The following PCDHA12 variants were observed in gnomAD, a reference collection of about 807,000 sequenced individuals.
PCDHA12 encodes protocadherin alpha-12.
PCDHA12 carries 44 observed loss-of-function variants against 60.0 expected under a neutral mutation model. That is an observed-to-expected ratio of 0.73 (90% CI 0.58 to 0.94). The LOEUF (loss-of-function observed/expected upper bound fraction) is 0.94, where lower values mean the gene tolerates loss of function less well. PCDHA12 is among the 40% of genes least tolerant of loss of function. The pLI, the probability that PCDHA12 is intolerant of heterozygous loss-of-function variation, is 0.00. For synonymous variants in PCDHA12, 569 were observed against 553.0 expected (o/e 1.03, Z -0.40); for missense variants, 1,276 against 1,239.7 (o/e 1.03, Z -0.44).
At chr5:140,990,627 A>G (rs782672988) in intron 3 of PCDHA12, among the ~76,000 whole-genome samples, 16 of 152,198 alleles carry the variant, frequency 1.1e-4, no homozygotes, top group Non-Finnish European at 1.5e-4. Flanking sequence ...GTCTGTGGTA[A>G]GACTAGAAGC....
intron 1 of PCDHA12, among the ~76,000 whole-genome samples, chr5:140,879,880 C>T (rs1162426271): frequency 6.6e-6 from 1 of 152,172 alleles, no homozygotes; most frequent in Admixed American, 6.5e-5. Flanking sequence ...GGTCACATTG[C>T]CTCCTCCTCT....
intron 3 of PCDHA12, among the ~76,000 whole-genome samples, chr5:140,983,425 C>A (rs1252010683): frequency 6.6e-6 from 1 of 152,198 alleles, no homozygotes; most frequent in Non-Finnish European, 1.5e-5. Context: ...GTAGAGACCA[C>A]AAATTGTGTC....
chr5:140,883,787 T>C (rs2059820580), intron 1 of PCDHA12: 2 of 1,612,408 alleles, frequency 1.2e-6, no homozygotes, highest in Non-Finnish European at 1.7e-6. Context: ...GCTGTCGAGC[T>C]ACGTGTCGGT....
rs187904552 is a variant in PCDHA12 at position 140,875,781 on chromosome 5, T to C, written c.309T>C (p.Ser103=). The part of the protein sequence containing the change: ...EKLCGRSAEC[S]IHLEVIVDRP... ...TGTGCGGGCGGAGCGCGGAGTGCAGTATCCACCTGGAGGTGATCGTGGACA... is the reference window on the plus strand; with the variant it reads ...TGTGCGGGCGGAGCGCGGAGTGCAGCATCCACCTGGAGGTGATCGTGGACA... The change falls in exon 1 of 4, where the codon AGT becomes AGC. Residue 103 remains serine (S), a synonymous_variant. Coordinates refer to ENST00000398631, the MANE Select transcript of PCDHA12 (RefSeq NM_018903.4). 4.7e-3 allele frequency: 7,631 copies of C among 1,614,134 alleles called. 28 individuals carry two copies. Among genetic ancestry groups the C allele is most frequent in the Middle Eastern group, 6.4e-3 (39 of 6,062 alleles).
In PCDHA12 at chr5:140,929,288, G is replaced by A. The variant is rs386352346; in HGVS notation, c.2368-49661G>A. 3.1e-6 allele frequency: 5 copies of A among 1,597,514 alleles called. No homozygotes were observed. Among genetic ancestry groups the A allele is most frequent in the Non-Finnish European group, 3.4e-6 (4 of 1,168,792 alleles). On this transcript the variant is annotated intron_variant, in intron 1 of 3. Transcript: ENST00000398631. ...TTGCCAATATCCTGTATTCAGATTC[G>A]GAATAGGAAAGGGGATCACGCTAAT... is the stretch of plus-strand genomic sequence containing the variant.
chr5:140,883,761 G>C, intron 1 of PCDHA12: 1 of 1,612,908 alleles, frequency 6.2e-7, no homozygotes, highest in Non-Finnish European at 8.5e-7. Flanking sequence ...GTGGAGCGGC[G>C]GGTGGGCGAG....
Position 140,986,801 on chromosome 5 carries a change from T to C in PCDHA12, c.2515+4238T>C, listed in dbSNP as rs1381514203. ...CGGAAGCCACTAAGGCAGTGAGTCT[T>C]AGTTAGAGAACTTTGGTTTAGACAA... On this transcript the variant is annotated intron_variant, in intron 3 of 3. Coordinates refer to ENST00000398631, the MANE Select transcript of PCDHA12 (RefSeq NM_018903.4). 2.0e-5 allele frequency among the ~76,000 whole-genome samples: 3 copies of C among 152,144 alleles called. No homozygotes were observed. The East Asian group carries it at 5.8e-4, about 29-fold the overall frequency.
At chr5:141,000,639 G>A (rs1375900945) in intron 3 of PCDHA12, among the ~76,000 whole-genome samples, 2 of 151,186 alleles carry the variant, frequency 1.3e-5, no homozygotes, top group East Asian at 1.9e-4. Flanking sequence ...TGTTGGGCAG[G>A]CTGGTCTCGA....
intron 1 of PCDHA12, among the ~76,000 whole-genome samples, chr5:140,963,244 T>C (rs934081934): frequency 6.6e-6 from 1 of 151,988 alleles, no homozygotes; most frequent in Non-Finnish European, 1.5e-5. Flanking sequence ...ATGGATTAGG[T>C]AGGTTTTCAT....
At chr5:140,998,850 A>G (rs904977478) in intron 3 of PCDHA12, among the ~76,000 whole-genome samples, 18 of 152,234 alleles carry the variant, frequency 1.2e-4, no homozygotes, top group Non-Finnish European at 2.1e-4. Context: ...GGTGTGAGCC[A>G]CATGCCTGGC....
chr5:140,976,798 A>G (rs571590033), intron 1 of PCDHA12, among the ~76,000 whole-genome samples: 169 of 152,368 alleles, frequency 1.1e-3, no homozygotes, highest in Admixed American at 1.8e-3. Context: ...GCTTTTATGA[A>G]TATCTGAAGA....
intron 1 of PCDHA12, chr5:140,883,711 C>T (rs1554179442): frequency 2.5e-6 from 4 of 1,613,576 alleles, no homozygotes; most frequent in Non-Finnish European, 3.4e-6. Flanking sequence ...CTGCTCAGGA[C>T]GCGGACGCAC....
intron 1 of PCDHA12, among the ~76,000 whole-genome samples, chr5:140,950,537 C>T (rs1439965496): frequency 1.3e-5 from 2 of 152,002 alleles, no homozygotes; most frequent in Non-Finnish European, 1.5e-5. Flanking sequence ...TTTTGTTGCT[C>T]TTGCATGGCT....
chr5:140,884,811 T>C (rs782097563), intron 1 of PCDHA12: 155 of 1,119,034 alleles, frequency 1.4e-4, no homozygotes, highest in Non-Finnish European at 1.9e-4. Context: ...AACTCTGCTG[T>C]GGACATTATG....
At chr5:140,880,877 A>G (rs1399131370) in intron 1 of PCDHA12, among the ~76,000 whole-genome samples, 8 of 152,232 alleles carry the variant, frequency 5.3e-5, no homozygotes, top group Non-Finnish European at 8.8e-5. Context: ...GAGGTAAATA[A>G]AGAAATGTAG....
intron 1 of PCDHA12, among the ~76,000 whole-genome samples, chr5:140,894,895 A>G (rs557164845): frequency 6.6e-6 from 1 of 152,316 alleles, no homozygotes; most frequent in South Asian, 2.1e-4. Context: ...AGACCAGGAT[A>G]ATTTTCCTAT....
intron 1 of PCDHA12, chr5:140,882,310 A>G (rs2059059274): frequency 6.2e-7 from 1 of 1,613,930 alleles, no homozygotes; most frequent in Non-Finnish European, 8.5e-7. Context: ...CGCGGCAACT[A>G]CTGCTCTGGC....
chr5:140,928,570 C>G, intron 1 of PCDHA12: 1 of 1,614,196 alleles, frequency 6.2e-7, no homozygotes, highest in Non-Finnish European at 8.5e-7. Flanking sequence ...GTTTCCCTTG[C>G]CCAGAAATGG....
intron 3 of PCDHA12, among the ~76,000 whole-genome samples, chr5:141,003,426 C>T (rs1316658550): frequency 1.3e-5 from 2 of 152,144 alleles, no homozygotes; most frequent in African/African-American, 4.8e-5. Context: ...ATTCTTATGC[C>T]TCAGCCTCCC....
Sources: allele counts gnomAD v4.1 joint callset (sites outside exome capture counted in the v4.1 genomes callset), GRCh38; gene constraint gnomAD v4.1.1; transcripts MANE v1.5; gene names NCBI Gene and HGNC (gene_info 2026-07-23, HGNC 2026-07-21).